ATP9A: variants seen among roughly 807,000 people sequenced by gnomAD.
The protein encoded by ATP9A is probable phospholipid-transporting ATPase IIA.
A neutral mutation model predicts 144.1 loss-of-function variants in ATP9A; 52 were observed. The ratio of observed to expected loss-of-function variants is 0.36; its 90% CI spans 0.29 to 0.45. ATP9A has a LOEUF of 0.45. Ranked by LOEUF, ATP9A falls within the 20% of genes least tolerant of loss-of-function variation. The pLI, the probability that ATP9A is intolerant of heterozygous loss-of-function variation, is 1.00. For missense variants in ATP9A, 947 were observed against 1,392.7 expected (o/e 0.68, Z 5.09); for synonymous variants, 582 against 557.4 (o/e 1.04, Z -0.62).
chr20:51,661,454 T>C (rs1378699779), intron 13 of ATP9A, among the ~76,000 whole-genome samples: 3 of 151,354 alleles, frequency 2.0e-5, no homozygotes, highest in Non-Finnish European at 4.4e-5. Flanking sequence ...GCCTCAACCT[T>C]CTGGGCTCAA....
chr20:51,704,785 C>CA (rs2077608352), intron 4 of ATP9A, among the ~76,000 whole-genome samples: 1 of 151,180 alleles, frequency 6.6e-6, no homozygotes, highest in Non-Finnish European at 1.5e-5. Flanking sequence ...CATCTCAAAA[C>CA]AAAAAACAAA....
intron 22 of ATP9A, among the ~76,000 whole-genome samples, chr20:51,616,622 C>T (rs2077203929): frequency 6.6e-6 from 1 of 151,964 alleles, no homozygotes; most frequent in African/African-American, 2.4e-5. Context: ...TCCAGCCCTT[C>T]ACACACAGTC....
chr20:51,762,311 C>T (rs1228139743), intron 1 of ATP9A, among the ~76,000 whole-genome samples: 2 of 152,060 alleles, frequency 1.3e-5, no homozygotes, highest in African/African-American at 2.4e-5. Context: ...CCATCTCGGT[C>T]AACACGGTGA....
chr20:51,635,800 A>AGGAGGAAG (rs1555830927), intron 15 of ATP9A, among the ~76,000 whole-genome samples: 2 of 76,898 alleles, frequency 2.6e-5, no homozygotes, highest in African/African-American at 1.3e-4. Flanking sequence ...AGAGGAGGGG[A>AGGAGGAAG]GGAGGAAGGA....
chr20:51,693,942 G>GGA, intron 7 of ATP9A, 66 bp downstream of exon 7: 1 of 1,137,764 alleles, frequency 8.8e-7, no homozygotes, highest in Non-Finnish European at 1.2e-6. Context: ...GGCCCCCCAG[G>GGA]TATGAGTTTG....
intron 9 of ATP9A, among the ~76,000 whole-genome samples, chr20:51,677,705 G>A (rs2077483171): frequency 6.6e-6 from 1 of 152,060 alleles, no homozygotes; most frequent in Non-Finnish European, 1.5e-5. Flanking sequence ...CTGTCCCAAG[G>A]ACAACTCTTT....
intron 1 of ATP9A, among the ~76,000 whole-genome samples, chr20:51,751,689 G>A (rs941878232): frequency 2.9e-4 from 44 of 152,202 alleles, no homozygotes; most frequent in African/African-American, 9.9e-4. Context: ...CCGGGTTCAC[G>A]CCATTCTCCT....
rs771485793 is a variant in ATP9A at position 51,618,702 on chromosome 20, G to T, written c.2310C>A (p.Arg770=). The stretch of plus-strand genomic sequence containing the variant: ...GCTTGCCCGTGCGCTCCTGAAGCAG[G>T]CGCACGATCTGGGCCTTCTGGGTGG... The part of the protein sequence containing the change: ...CAPTQKAQIV[R]LLQERTGKLT... Residue 770 remains arginine (R), a synonymous_variant, in exon 21 of 28, where the codon CGC becomes CGA. Transcript: ENST00000338821. 6.2e-7 allele frequency: 1 copy of T among 1,613,536 alleles called. No homozygotes were observed. Among genetic ancestry groups the T allele is most frequent in the Admixed American group, 1.7e-5 (1 of 59,988 alleles).
intron 4 of ATP9A, among the ~76,000 whole-genome samples, chr20:51,711,967 T>G (rs772750603): frequency 1.3e-5 from 2 of 151,008 alleles, no homozygotes; most frequent in Non-Finnish European, 2.9e-5. Flanking sequence ...GTGAGTCTCC[T>G]GCCTCAGCCT....
chr20:51,736,928 A>G (rs1023080755), intron 1 of ATP9A, among the ~76,000 whole-genome samples: 2 of 152,128 alleles, frequency 1.3e-5, no homozygotes, highest in African/African-American at 2.4e-5. Context: ...TAGATGTAGA[A>G]ATGCACAATC....
rs1363298937 is a variant in ATP9A, at chr20:51,611,931, G to A, written c.2571+1746C>T. On this transcript the variant is annotated intron_variant, in intron 23 of 27. Transcript: ENST00000338821. The surrounding 1 kb of genome is among the most constrained non-coding windows in gnomAD (Gnocchi z 4.2). Reference sequence around the variant, plus strand: ...AAAACTGGGGTGTAGCCAGTGGACGGAAAATTCTCATGTACCCAAAGCAGC... The same window carrying A: ...AAAACTGGGGTGTAGCCAGTGGACGAAAAATTCTCATGTACCCAAAGCAGC... Among the ~76,000 whole-genome samples, 2 of 152,214 alleles carry A rather than the reference G, an allele frequency of 1.3e-5. No individual in the cohort carries two copies. The highest frequency in any genetic ancestry group is 3.8e-4 in the East Asian group (2 of 5,206).
intron 4 of ATP9A, among the ~76,000 whole-genome samples, chr20:51,712,349 C>T (rs900100858): frequency 6.6e-6 from 1 of 152,194 alleles, no homozygotes; most frequent in Non-Finnish European, 1.5e-5. Context: ...GCTGGGATTA[C>T]AGGCGTGAGC....
intron 9 of ATP9A, among the ~76,000 whole-genome samples, chr20:51,679,717 AT>A (rs1322089506): frequency 3.3e-5 from 5 of 152,150 alleles, no homozygotes; most frequent in Non-Finnish European, 7.3e-5. Context: ...ATGGTCAGGC[AT>A]TTCACGGAGT....
Position 51,737,838 on chromosome 20 carries a change from G to C in ATP9A, c.69-7860C>G, listed in dbSNP as rs754292956. 3.9e-5 allele frequency among the ~76,000 whole-genome samples: 6 copies of C among 152,158 alleles called. No homozygotes were observed. The South Asian group carries it at 1.0e-3, about 26-fold the overall frequency. ...GATACAAAACCAAACACCTCCACGG[G>C]ACAGGCAGGTAAAATAAGTAAGCGA... On this transcript the variant is annotated intron_variant, in intron 1 of 27. Transcript: ENST00000338821.
Position 51,598,943 on chromosome 20 carries a change from C to A in ATP9A, c.*2268G>T, listed in dbSNP as rs1396061207. The A allele has an allele frequency of 1.3e-5, 2 of 152,266 alleles. No individual in the cohort carries two copies. Among genetic ancestry groups the A allele is most frequent in the Non-Finnish European group, 2.9e-5 (2 of 68,056 alleles). The allele number at this position is 152,266 out of a possible 1,614,324, so 9.4% of individuals were successfully genotyped here. ...TAAAAAGGTTTGTGGAGAACACTGA[C>A]GAGTACCTTCCACTTCCAACTATGG... is the stretch of plus-strand genomic sequence containing the variant. On this transcript the variant is annotated 3_prime_UTR_variant, in exon 28 of 28. Coordinates refer to ENST00000338821, the MANE Select transcript of ATP9A (RefSeq NM_006045.3).
chr20:51,701,970 G>A (rs891682177), intron 4 of ATP9A, among the ~76,000 whole-genome samples: 9 of 151,458 alleles, frequency 5.9e-5, no homozygotes, highest in South Asian at 4.2e-4. Flanking sequence ...AGACCAGCCC[G>A]GGCCGCATGG....
At chr20:51,664,706 AT>A (rs1887281883) in intron 13 of ATP9A, among the ~76,000 whole-genome samples, 1 of 152,048 alleles carries the variant, frequency 6.6e-6, no homozygotes. Context: ...AGAATTATAG[AT>A]TTAAACTTAA....
chr20:51,635,306 C>T (rs1289961746), intron 15 of ATP9A, among the ~76,000 whole-genome samples: 2 of 152,180 alleles, frequency 1.3e-5, no homozygotes, highest in Non-Finnish European at 1.5e-5. Flanking sequence ...ACAACACTGA[C>T]GTCTGTATGT....
At chr20:51,667,364 A>G (rs868554560) in intron 13 of ATP9A, among the ~76,000 whole-genome samples, 2 of 152,210 alleles carry the variant, frequency 1.3e-5, no homozygotes, top group South Asian at 2.1e-4. Flanking sequence ...TGTCTAATAT[A>G]ACCATCAAGA....
Sources: allele counts gnomAD v4.1 joint callset (sites outside exome capture counted in the v4.1 genomes callset), GRCh38; gene constraint gnomAD v4.1.1; non-coding constraint Gnocchi (gnomAD v3.1); transcripts MANE v1.5; gene names NCBI Gene and HGNC (gene_info 2026-07-23, HGNC 2026-07-21).